The following DUX4 variants were observed in gnomAD, a reference collection of about 807,000 sequenced individuals.
DUX4 encodes double homeobox protein 4.
At chr4:190,179,583 G>A (rs1579835718), downstream of DUX4, among the ~76,000 whole-genome samples, 158 of 7,470 alleles carry the variant, frequency 0.021, no homozygotes, top group East Asian at 0.024. Flanking sequence ...TCACAATGCT[G>A]TGTAGCCAGA....
At chr4:190,181,232 C>CAAATCCAAG (rs1742554319) in intron 1 of DUX4, among the ~76,000 whole-genome samples, 1 of 149,750 alleles carries the variant, frequency 6.7e-6, no homozygotes, top group Non-Finnish European at 1.5e-5. Flanking sequence ...CCCCCATAGG[C>CAAATCCAAG]AAATCCAAGA....
chr4:190,178,902 C>A (rs1742461873), downstream of DUX4, among the ~76,000 whole-genome samples: 9 of 139,442 alleles, frequency 6.5e-5, no homozygotes, highest in East Asian at 4.6e-4. Context: ...TCACAATGCC[C>A]CCATAGGCAG....
chr4:190,180,155 A>T (rs1742534386), downstream of DUX4, among the ~76,000 whole-genome samples: 1 of 67,342 alleles, frequency 1.5e-5, no homozygotes, highest in South Asian at 5.1e-4. Context: ...GAAGAGTCCC[A>T]TCACCTGGGT....
downstream of DUX4, among the ~76,000 whole-genome samples, chr4:190,176,223 T>C (rs1742297798): frequency 4.4e-5 from 5 of 112,990 alleles, 2 homozygotes; most frequent in South Asian, 1.6e-3. Flanking sequence ...TGGAAATATA[T>C]ATCACAAAGC....
downstream of DUX4, among the ~76,000 whole-genome samples, chr4:190,177,857 G>GTA (rs1742390466): frequency 2.3e-3 from 348 of 149,832 alleles, no homozygotes; most frequent in South Asian, 5.7e-3. Context: ...GATCAGTGCA[G>GTA]AGATATGTCA....
chr4:190,176,354 G>T (rs1742304662), downstream of DUX4, among the ~76,000 whole-genome samples: 3 of 115,330 alleles, frequency 2.6e-5, 1 homozygote, highest in Non-Finnish European at 6.1e-5. Flanking sequence ...GATCAGTGCA[G>T]AGATGTGTCA....
At chr4:190,177,802 T>C (rs1742387007), downstream of DUX4, among the ~76,000 whole-genome samples, 545 of 118,416 alleles carry the variant, frequency 4.6e-3, no homozygotes, top group Admixed American at 6.7e-3. Flanking sequence ...TATGTCACAA[T>C]GCCCCCTTTT....
At chr4:190,176,368 C>G (rs1381841752), downstream of DUX4, among the ~76,000 whole-genome samples, 1 of 91,690 alleles carries the variant, frequency 1.1e-5, no homozygotes. Context: ...TGTGTCAAAA[C>G]GCTCCTGTAG....
chr4:190,177,528 C>CT (rs1742372601), downstream of DUX4, among the ~76,000 whole-genome samples: 1 of 90,190 alleles, frequency 1.1e-5, no homozygotes, highest in Non-Finnish European at 2.5e-5. Context: ...ATATGTGTCA[C>CT]AATTCCCCTT....
At position 190,181,313 on chromosome 4, in the gene DUX4, A is replaced by AAT. The variant is rs1375523014; in HGVS notation, n.93-4028_93-4027insAT. 8.0e-3 allele frequency among the ~76,000 whole-genome samples: 212 copies of AAT among 26,638 alleles called. 1 individual carries two copies. The highest frequency in any genetic ancestry group is 0.025 in the Middle Eastern group (1 of 40). 17.5% of individuals were successfully genotyped at this position (26,638 alleles called of 152,430 possible). On this transcript the variant is annotated intron_variant and non_coding_transcript_variant, in intron 1 of 2. Transcript: ENST00000563716. Reference sequence around the variant, plus strand: ...GCCGCCAGTAGGCAGAGCCTAAAGAAGAGTCCCATCCCCTGGGTGATCTCT... The same window carrying AAT: ...GCCGCCAGTAGGCAGAGCCTAAAGAAATGAGTCCCATCCCCTGGGTGATCTCT...
chr4:190,178,862 C>CGA (rs1742457589), downstream of DUX4, among the ~76,000 whole-genome samples: 1 of 147,998 alleles, frequency 6.8e-6, no homozygotes, highest in Admixed American at 6.8e-5. Context: ...ACAACAGTTA[C>CGA]ATCACCTGGG....
At chr4:190,177,158 C>T (rs1742345602), downstream of DUX4, among the ~76,000 whole-genome samples, 828 of 119,092 alleles carry the variant, frequency 7.0e-3, no homozygotes, top group Admixed American at 0.011. Context: ...AGTTACATCA[C>T]CTAGATGATC....
At chr4:190,176,646 C>T (rs1456427613), downstream of DUX4, among the ~76,000 whole-genome samples, 1 of 119,284 alleles carries the variant, frequency 8.4e-6, no homozygotes, top group Admixed American at 9.9e-5. Flanking sequence ...CACAAAGCCC[C>T]TGTAGGCAGA....
At chr4:190,179,796 A>ACGT (rs1742513447), downstream of DUX4, among the ~76,000 whole-genome samples, 3 of 21,422 alleles carry the variant, frequency 1.4e-4, no homozygotes, top group African/African-American at 1.8e-3. Flanking sequence ...CCTGTAGGCA[A>ACGT]GCCTACACAA....
chr4:190,175,812 A>T lies in DUX4; in HGVS notation c.*402A>T, dbSNP rs1742276640. ...TCTCCTGGATGATTAGTTCAGAGAT[A>T]TATTAAAATGCCCCCTCCCTGTGGA... On this transcript the variant is annotated 3_prime_UTR_variant, in exon 2 of 2. Transcript: ENST00000565211. 2 of 150,516 alleles carry T rather than the reference A, an allele frequency of 1.3e-5. 1 individual carries two copies. The highest frequency in any genetic ancestry group is 2.6e-5 in the Non-Finnish European group (2 of 75,872). 9.3% of individuals were successfully genotyped at this position (150,516 alleles called of 1,614,324 possible). A position where few individuals can be genotyped will look rare whatever the true frequency, so the allele number is the denominator to read the frequency against.
At chr4:190,183,309 G>A (rs1270433532) in intron 1 of DUX4, 1 of 109,338 alleles carries the variant, frequency 9.1e-6, no homozygotes, top group Non-Finnish European at 2.1e-5. Context: ...GAAAGGTAGT[G>A]TGTTCCTGCT....
chr4:190,175,464 C>G (rs1169064491), intron 1 of DUX4, among the ~76,000 whole-genome samples, 180 bp downstream of exon 1: 1 of 20,470 alleles, frequency 4.9e-5, no homozygotes, highest in Non-Finnish European at 1.3e-4. Flanking sequence ...AGACCCCCGT[C>G]CCGCGAAACA....
At chr4:190,181,787 G>GTC (rs1742595347) in intron 1 of DUX4, among the ~76,000 whole-genome samples, 1 of 6,778 alleles carries the variant, frequency 1.5e-4, no homozygotes, top group Non-Finnish European at 3.6e-4. Context: ...GCAGAGCCTA[G>GTC]AGGAGAGTTA....
chr4:190,179,521 G>T (rs1742501260), downstream of DUX4, among the ~76,000 whole-genome samples: 18 of 136,464 alleles, frequency 1.3e-4, no homozygotes, highest in South Asian at 2.2e-4. Flanking sequence ...GCCCCCTGTA[G>T]GCAGAGCCTA....
Sources: allele counts gnomAD v4.1 joint callset (sites outside exome capture counted in the v4.1 genomes callset), GRCh38; gene constraint gnomAD v4.1.1; transcripts MANE v1.5; gene names NCBI Gene and HGNC (gene_info 2026-07-23, HGNC 2026-07-21).